Variants in TSHZ2 observed in about 807,000 individuals in gnomAD.
TSHZ2 encodes teashirt zinc finger homeobox 2.
Under a neutral mutation model 74.4 loss-of-function variants are expected in TSHZ2, and 21 were observed. The ratio of observed to expected loss-of-function variants is 0.28; its 90% CI spans 0.20 to 0.41. The LOEUF is 0.41. Ranked by LOEUF, TSHZ2 falls within the 10% of genes least tolerant of loss-of-function variation. TSHZ2 has a pLI of 1.00. For missense variants in TSHZ2, 1,244 were observed against 1,293.5 expected, an observed-to-expected ratio of 0.96 and a Z score of 0.59; for synonymous variants, 540 against 515.3, an observed-to-expected ratio of 1.05 and a Z score of -0.65.
At chr20:53,367,356 A>G (rs1347578998) in intron 2 of TSHZ2, among the ~76,000 whole-genome samples, 3 of 151,748 alleles carry the variant, frequency 2.0e-5, no homozygotes, top group African/African-American at 7.3e-5. Flanking sequence ...GTGAGCCGAG[A>G]TCAGGCCACT....
At chr20:53,052,748 T>C (rs1984517449) in intron 1 of TSHZ2, among the ~76,000 whole-genome samples, 1 of 152,212 alleles carries the variant, frequency 6.6e-6, no homozygotes, top group Non-Finnish European at 1.5e-5. Context: ...ATAATGCTAC[T>C]ACAAATACAG....
chr20:53,374,299 T>C (rs1981583132), intron 2 of TSHZ2, among the ~76,000 whole-genome samples: 1 of 151,994 alleles, frequency 6.6e-6, no homozygotes. Flanking sequence ...GCTCCATCCA[T>C]ATTGCTGCAA....
chr20:53,251,400 C>A (rs776386724), intron 1 of TSHZ2, among the ~76,000 whole-genome samples: 5 of 152,120 alleles, frequency 3.3e-5, no homozygotes, highest in Non-Finnish European at 7.4e-5. Context: ...AATGGTATAT[C>A]TATTTTTTGC....
At chr20:53,094,469 A>G (rs149490212) in intron 1 of TSHZ2, among the ~76,000 whole-genome samples, 101 of 152,288 alleles carry the variant, frequency 6.6e-4, no homozygotes, top group African/African-American at 2.2e-3. Context: ...GTGAAAGTCC[A>G]ATATGTGGGT....
intron 1 of TSHZ2, among the ~76,000 whole-genome samples, chr20:53,071,141 A>G (rs1291556730): frequency 6.6e-6 from 1 of 152,212 alleles, no homozygotes; most frequent in Non-Finnish European, 1.5e-5. Flanking sequence ...TGTACTTTAA[A>G]AAATATCCCC....
At chr20:53,021,555 A>G (rs1983247305) in intron 1 of TSHZ2, among the ~76,000 whole-genome samples, 1 of 152,208 alleles carries the variant, frequency 6.6e-6, no homozygotes, top group African/African-American at 2.4e-5. Context: ...CTCATAATGG[A>G]AAGAAAAAGC....
intron 2 of TSHZ2, among the ~76,000 whole-genome samples, chr20:53,417,277 CA>C (rs746954664): frequency 4.1e-5 from 6 of 147,632 alleles, no homozygotes; most frequent in South Asian, 2.2e-4. Context: ...CACACACACA[CA>C]CCATAGTTTT....
intron 2 of TSHZ2, among the ~76,000 whole-genome samples, chr20:53,385,141 G>C (rs186759618): frequency 1.2e-4 from 18 of 152,032 alleles, no homozygotes; most frequent in East Asian, 3.9e-4. Context: ...ATTAAAAAAT[G>C]AAAAATCAAA....
intron 2 of TSHZ2, among the ~76,000 whole-genome samples, chr20:53,400,682 C>T (rs147635802): frequency 1.3e-5 from 2 of 152,168 alleles, no homozygotes; most frequent in South Asian, 4.2e-4. Context: ...AATGGAAAAG[C>T]CTGCCCTCAC....
chr20:53,394,703 G>T (rs1316952616), intron 2 of TSHZ2, among the ~76,000 whole-genome samples: 1 of 139,694 alleles, frequency 7.2e-6, no homozygotes, highest in Non-Finnish European at 1.5e-5. Flanking sequence ...AAACACACAT[G>T]TTCACTTACC....
At chr20:53,014,258 A>T (rs1464410818) in intron 1 of TSHZ2, among the ~76,000 whole-genome samples, 1 of 152,068 alleles carries the variant, frequency 6.6e-6, no homozygotes, top group Non-Finnish European at 1.5e-5. Context: ...CTCTTCTTAC[A>T]AGGGCACTAA....
chr20:53,329,985 T>A (rs1409106429), intron 2 of TSHZ2, among the ~76,000 whole-genome samples: 2 of 152,220 alleles, frequency 1.3e-5, no homozygotes, highest in African/African-American at 4.8e-5. Context: ...AAATAAAGTT[T>A]TATTGGAACA....
chr20:53,154,167 T>G lies in TSHZ2; in HGVS notation c.41-99332T>G, dbSNP rs372339340. On this transcript the variant is annotated intron_variant, in intron 1 of 2. Coordinates refer to ENST00000371497, the MANE Select transcript of TSHZ2 (RefSeq NM_173485.6). ...CCAATTTACCAGCAATCAGTCATAC[T>G]GGCTAGGGGACTAGAACAGGGGACT... Among the ~76,000 whole-genome samples the G allele has an allele frequency of 2.9e-4, 44 of 152,336 alleles. 3 individuals are homozygous for G. In the East Asian group the frequency reaches 3.7e-3, roughly 13 times the overall value.
chr20:53,274,750 C>A (rs185953158), intron 2 of TSHZ2, among the ~76,000 whole-genome samples: 1 of 152,232 alleles, frequency 6.6e-6, no homozygotes, highest in East Asian at 1.9e-4. Flanking sequence ...CATGCAGAAA[C>A]GTTGCCTATC....
chr20:52,976,210 T>C (rs1229698794), intron 1 of TSHZ2, among the ~76,000 whole-genome samples: 28 of 152,232 alleles, frequency 1.8e-4, no homozygotes, highest in Admixed American at 1.8e-3. Context: ...TTTTAGTCTT[T>C]ATTTGTTATG....
chr20:53,297,168 C>T (rs996139848), intron 2 of TSHZ2, among the ~76,000 whole-genome samples: 16 of 151,946 alleles, frequency 1.1e-4, no homozygotes, highest in African/African-American at 3.6e-4. Context: ...CAATGGGAAC[C>T]AGGTCAGGAA....
chr20:53,221,600 G>T (rs1989558991), intron 1 of TSHZ2, among the ~76,000 whole-genome samples: 1 of 152,160 alleles, frequency 6.6e-6, no homozygotes, highest in African/African-American at 2.4e-5. Context: ...CACCTTCTGT[G>T]TCTGCCTTCA....
At chr20:53,388,695 A>G (rs1982141844) in intron 2 of TSHZ2, among the ~76,000 whole-genome samples, 1 of 148,534 alleles carries the variant, frequency 6.7e-6, no homozygotes, top group African/African-American at 2.5e-5. Context: ...CTCGTACCTC[A>G]GCCTCCCAAG....
intron 2 of TSHZ2, among the ~76,000 whole-genome samples, chr20:53,447,592 C>T (rs1278799736): frequency 6.6e-6 from 1 of 152,194 alleles, no homozygotes; most frequent in Non-Finnish European, 1.5e-5. Flanking sequence ...AACTTGGGCT[C>T]TTACATTGGA....
Sources: allele counts gnomAD v4.1 joint callset (sites outside exome capture counted in the v4.1 genomes callset), GRCh38; gene constraint gnomAD v4.1.1; transcripts MANE v1.5; gene names NCBI Gene and HGNC (gene_info 2026-07-23, HGNC 2026-07-21).